The following CDH12 variants were observed in gnomAD, a reference collection of about 807,000 sequenced individuals.
CDH12 encodes cadherin-12.
In CDH12, 41 loss-of-function variants were observed where a neutral mutation model predicts 74.1. The observed-to-expected ratio is 0.55, with a 90% CI of 0.43 to 0.72. The LOEUF (loss-of-function observed/expected upper bound fraction) is 0.72. Ranked by LOEUF, CDH12 falls within the 30% of genes least tolerant of loss-of-function variation. CDH12 has a pLI of 0.00. For missense variants in CDH12, 945 were observed against 977.2 expected (o/e 0.97, Z 0.44); for synonymous variants, 399 against 355.0 (o/e 1.12, Z -1.39).
intron 1 of CDH12, among the ~76,000 whole-genome samples, chr5:22,683,086 T>A (rs1741581742): frequency 6.6e-6 from 1 of 152,184 alleles, no homozygotes; most frequent in Admixed American, 6.5e-5. Context: ...GATCTATTGT[T>A]CTCTGAGCCC....
At chr5:21,904,129 C>A (rs1361121399) in intron 6 of CDH12, among the ~76,000 whole-genome samples, 1 of 152,090 alleles carries the variant, frequency 6.6e-6, no homozygotes, top group Non-Finnish European at 1.5e-5. Flanking sequence ...ATTTCCTGCC[C>A]TAAATTCTGC....
intron 1 of CDH12, among the ~76,000 whole-genome samples, chr5:22,831,351 T>TTGTGTGTG (rs1554007029): frequency 0.014 from 1,951 of 138,592 alleles, 31 homozygotes; most frequent in South Asian, 0.032. Flanking sequence ...GTTTTGGAGT[T>TTGTGTGTG]TGTGTGTGTG....
intron 1 of CDH12, among the ~76,000 whole-genome samples, chr5:22,579,149 C>T (rs745898582): frequency 6.3e-4 from 96 of 152,118 alleles, no homozygotes; most frequent in Non-Finnish European, 1.1e-3. Flanking sequence ...GTTCAACTCT[C>T]TGTATACTAC....
intron 3 of CDH12, among the ~76,000 whole-genome samples, chr5:22,361,918 C>G (rs1445527824): frequency 6.6e-6 from 1 of 152,084 alleles, no homozygotes; most frequent in Non-Finnish European, 1.5e-5. Flanking sequence ...ACACCTTATA[C>G]AAAAATTAAT....
chr5:22,787,318 C>A (rs941725899), intron 1 of CDH12, among the ~76,000 whole-genome samples: 1 of 152,144 alleles, frequency 6.6e-6, no homozygotes, highest in Admixed American at 6.6e-5. Context: ...ACTAAAGGCA[C>A]ACTTGTATCC....
At chr5:22,416,066 T>C (rs1468703318) in intron 2 of CDH12, among the ~76,000 whole-genome samples, 3 of 5,282 alleles carry the variant, frequency 5.7e-4, no homozygotes, top group African/African-American at 2.3e-3. Flanking sequence ...AGGTCTTTTT[T>C]TTTTTTTTTT....
At chr5:22,146,876 T>C (rs1747220546) in intron 4 of CDH12, among the ~76,000 whole-genome samples, 1 of 152,178 alleles carries the variant, frequency 6.6e-6, no homozygotes, top group African/African-American at 2.4e-5. Context: ...GCCTGCTGAA[T>C]GACTATGTAT....
chr5:21,943,032 A>T (rs1371216444), intron 6 of CDH12, among the ~76,000 whole-genome samples: 1 of 152,066 alleles, frequency 6.6e-6, no homozygotes, highest in African/African-American at 2.4e-5. Flanking sequence ...ATGAGTTCTC[A>T]TGAGATCTGA....
intron 1 of CDH12, among the ~76,000 whole-genome samples, chr5:22,827,495 AG>A (rs890311973): frequency 1.3e-5 from 2 of 152,096 alleles, no homozygotes; most frequent in African/African-American, 4.8e-5. Flanking sequence ...CGGGGGTGGG[AG>A]CCCCCACAAA....
intron 5 of CDH12, among the ~76,000 whole-genome samples, chr5:21,987,366 T>G (rs2963513): frequency 0.031 from 4,780 of 152,258 alleles, 236 homozygotes; most frequent in African/African-American, 0.11. Context: ...TCACATTTCT[T>G]ATTTGCAGTA....
rs774664506 is a variant in CDH12 at position 22,308,809 on chromosome 5, AAC to A, written c.-332-96168_-332-96167del. Among the ~76,000 whole-genome samples the A allele has an allele frequency of 5.2e-3, 440 of 85,370 alleles. 8 individuals carry two copies. Among genetic ancestry groups the A allele is most frequent in the African/African-American group, 0.015 (394 of 26,198 alleles). 56.0% of individuals were successfully genotyped at this position (85,370 alleles called of 152,430 possible). A position where few individuals can be genotyped will look rare whatever the true frequency, so the allele number is the denominator to read the frequency against. On this transcript the variant is annotated intron_variant, in intron 3 of 14. Coordinates refer to ENST00000382254, the MANE Select transcript of CDH12 (RefSeq NM_004061.5). ...CAATGCCCACAAGGGCAAATACACA[AAC>A]ACACACACACACACACACACACACA...
intron 4 of CDH12, among the ~76,000 whole-genome samples, chr5:22,205,504 A>C (rs1382670014): frequency 6.6e-5 from 10 of 152,122 alleles, no homozygotes; most frequent in African/African-American, 1.4e-4. Context: ...AATTATCCAA[A>C]ATTTATATCT....
intron 4 of CDH12, among the ~76,000 whole-genome samples, chr5:22,185,201 T>TG (rs1003591297): frequency 8.2e-6 from 1 of 122,280 alleles, no homozygotes; most frequent in South Asian, 3.1e-4. Context: ...CTCTCTCTCT[T>TG]TTTTTTTTTT....
At chr5:22,467,140 T>A (rs1449033572) in intron 2 of CDH12, among the ~76,000 whole-genome samples, 2 of 152,096 alleles carry the variant, frequency 1.3e-5, no homozygotes, top group African/African-American at 4.8e-5. Flanking sequence ...CTGTGTTTGA[T>A]CTTGATCCCC....
At chr5:22,547,301 A>G (rs1480112177) in intron 1 of CDH12, among the ~76,000 whole-genome samples, 1 of 152,176 alleles carries the variant, frequency 6.6e-6, no homozygotes, top group African/African-American at 2.4e-5. Flanking sequence ...TATGTTTCAG[A>G]GTTGAGAATA....
chr5:21,761,742 T>TAGATAG (rs1554027352), intron 12 of CDH12, among the ~76,000 whole-genome samples: 10 of 147,346 alleles, frequency 6.8e-5, no homozygotes, highest in African/African-American at 1.8e-4. Flanking sequence ...GATGGATAGA[T>TAGATAG]ATAGATAGAT....
At chr5:22,523,332 T>A (rs1180452446) in intron 1 of CDH12, among the ~76,000 whole-genome samples, 1 of 152,152 alleles carries the variant, frequency 6.6e-6, no homozygotes, top group Non-Finnish European at 1.5e-5. Flanking sequence ...AGGCTCCAGT[T>A]TCTTTTCTTT....
At chr5:22,452,880 C>CAAAAAA (rs768945480) in intron 2 of CDH12, among the ~76,000 whole-genome samples, 1,494 of 32,014 alleles carry the variant, frequency 0.047, 68 homozygotes, top group Middle Eastern at 0.062. Flanking sequence ...AACCTAAGAG[C>CAAAAAA]AAAAAAAAAA....
intron 1 of CDH12, among the ~76,000 whole-genome samples, chr5:22,541,646 G>A (rs1416842986): frequency 6.6e-6 from 1 of 152,178 alleles, no homozygotes; most frequent in Non-Finnish European, 1.5e-5. Context: ...GGGGATGTAG[G>A]TGACATACTG....
Sources: allele counts gnomAD v4.1 joint callset (sites outside exome capture counted in the v4.1 genomes callset), GRCh38; gene constraint gnomAD v4.1.1; transcripts MANE v1.5; gene names NCBI Gene and HGNC (gene_info 2026-07-23, HGNC 2026-07-21).